Variants in GRM3 observed in about 807,000 individuals in gnomAD.
GRM3 encodes metabotropic glutamate receptor 3.
Under a neutral mutation model 70.5 loss-of-function variants are expected in GRM3, and 26 were observed. That is an observed-to-expected ratio of 0.37 (90% CI 0.27 to 0.51). The LOEUF is 0.51. Ranked by LOEUF, GRM3 falls within the 20% of genes least tolerant of loss-of-function variation. The probability of loss-of-function intolerance (pLI) is 0.93; values close to 1 mark genes in which losing one functional copy is unlikely to be tolerated. For missense variants in GRM3, 859 were observed against 1,123.8 expected (o/e 0.76, Z 3.37); for synonymous variants, 443 against 434.9 (o/e 1.02, Z -0.23).
intron 5 of GRM3, among the ~76,000 whole-genome samples, chr7:86,860,298 C>T (rs559037223): frequency 3.0e-4 from 45 of 152,208 alleles, no homozygotes; most frequent in South Asian, 1.0e-3. Flanking sequence ...GAATAACAGA[C>T]GGGCTAATAC....
rs187144862 is a variant in GRM3 at position 86,651,284 on chromosome 7, A to T, written c.-141+6412A>T. ...TTTGTGATATGTGCTAGAGTAATTA[A>T]TGGACATAAAAAAGGAACAGATATC... On this transcript the variant is annotated intron_variant, in intron 1 of 5. Coordinates refer to ENST00000361669, the MANE Select transcript of GRM3 (RefSeq NM_000840.3). Among the ~76,000 whole-genome samples, 160 of 152,330 alleles carry T rather than the reference A, an allele frequency of 1.1e-3. 2 individuals carry two copies. The highest frequency in any genetic ancestry group is 3.6e-3 in the African/African-American group (148 of 41,588).
At chr7:86,858,171 T>C (rs1798887526) in intron 5 of GRM3, among the ~76,000 whole-genome samples, 1 of 151,992 alleles carries the variant, frequency 6.6e-6, no homozygotes, top group African/African-American at 2.4e-5. Context: ...TTAGCCAGGA[T>C]GGTCTTGATC....
chr7:86,797,887 C>T (rs1212196520), intron 3 of GRM3, among the ~76,000 whole-genome samples: 1 of 152,162 alleles, frequency 6.6e-6, no homozygotes, highest in Non-Finnish European at 1.5e-5. Flanking sequence ...GGACTCGGTG[C>T]CTGCATCCCA....
intron 4 of GRM3, among the ~76,000 whole-genome samples, chr7:86,841,150 G>A (rs778676895): frequency 3.2e-4 from 49 of 151,956 alleles, no homozygotes; most frequent in African/African-American, 7.5e-4. Context: ...TGTTCTTTGC[G>A]AATTAAAATA....
rs1376649637 is a variant in GRM3, at chr7:86,765,580, C to G, written c.435C>G (p.Val145=). Reference sequence around the variant, plus strand: ...ACATCCCACTTCTCATTGCAGGGGTCATTGGTGGCTCTTATAGCAGTGTTT... The same window carrying G: ...ACATCCCACTTCTCATTGCAGGGGTGATTGGTGGCTCTTATAGCAGTGTTT... ...QENIPLLIAG[V]IGGSYSSVSI... The change falls in exon 2 of 6, where the codon GTC becomes GTG. Residue 145 remains valine (V), a synonymous_variant. Transcript: ENST00000361669. 9.9e-6 allele frequency: 16 copies of G among 1,613,356 alleles called. No homozygotes were observed. Among genetic ancestry groups the G allele is most frequent in the Non-Finnish European group, 1.4e-5 (16 of 1,179,536 alleles).
Position 86,702,813 on chromosome 7 carries a change from G to A in GRM3, c.-141+57941G>A, listed in dbSNP as rs573234576. On this transcript the variant is annotated intron_variant, in intron 1 of 5. Coordinates refer to ENST00000361669, the MANE Select transcript of GRM3 (RefSeq NM_000840.3). ...ACACAGTTCTTGATTTAGACCAGAAGGAAGAACACAATGCCAGGGTCAAAA... is the reference window on the plus strand; with the variant it reads ...ACACAGTTCTTGATTTAGACCAGAAAGAAGAACACAATGCCAGGGTCAAAA... 1.8e-3 allele frequency among the ~76,000 whole-genome samples: 269 copies of A among 151,996 alleles called. 2 individuals carry two copies. The highest frequency in any genetic ancestry group is 6.8e-3 in the Middle Eastern group (2 of 292).
intron 1 of GRM3, among the ~76,000 whole-genome samples, chr7:86,742,652 T>C (rs895439420): frequency 3.9e-5 from 6 of 152,118 alleles, no homozygotes; most frequent in South Asian, 2.1e-4. Flanking sequence ...AGTTTAGATA[T>C]ATTTAGGTAG....
At chr7:86,780,488 A>T (rs1358196974) in intron 2 of GRM3, among the ~76,000 whole-genome samples, 1 of 152,244 alleles carries the variant, frequency 6.6e-6, no homozygotes, top group Non-Finnish European at 1.5e-5. Flanking sequence ...TAAGTCCTGG[A>T]TAAATTCAAA....
intron 5 of GRM3, among the ~76,000 whole-genome samples, chr7:86,852,514 A>T (rs1241550582): frequency 2.0e-5 from 3 of 152,192 alleles, no homozygotes; most frequent in African/African-American, 7.2e-5. Context: ...ATTATTCAGT[A>T]TGCTAATCTG....
intron 3 of GRM3, among the ~76,000 whole-genome samples, chr7:86,830,095 G>C (rs539334776): frequency 6.6e-5 from 10 of 152,098 alleles, no homozygotes; most frequent in Non-Finnish European, 1.2e-4. Flanking sequence ...CATGCCAATG[G>C]CTTCTCAATA....
intron 3 of GRM3, among the ~76,000 whole-genome samples, chr7:86,803,903 G>A (rs749660128): frequency 6.6e-6 from 1 of 152,092 alleles, no homozygotes; most frequent in Non-Finnish European, 1.5e-5. Context: ...GTCAGTTAAC[G>A]CTTTATCATT....
intron 3 of GRM3, among the ~76,000 whole-genome samples, chr7:86,810,058 G>C (rs1797878792): frequency 6.6e-6 from 1 of 151,984 alleles, no homozygotes; most frequent in South Asian, 2.1e-4. Context: ...AGTGTAAAAT[G>C]TAGTAAACTC....
intron 1 of GRM3, among the ~76,000 whole-genome samples, chr7:86,743,158 T>C (rs1287345905): frequency 6.6e-6 from 1 of 152,202 alleles, no homozygotes; most frequent in Non-Finnish European, 1.5e-5. Context: ...TAGCATGTTT[T>C]ATGTGAAAAT....
At chr7:86,829,281 G>A (rs923917210) in intron 3 of GRM3, among the ~76,000 whole-genome samples, 38 of 152,304 alleles carry the variant, frequency 2.5e-4, no homozygotes, top group African/African-American at 7.9e-4. Context: ...GGAATCTTGC[G>A]TCTGATTTGA....
At chr7:86,832,423 T>A (rs1272227242) in intron 3 of GRM3, among the ~76,000 whole-genome samples, 1 of 152,006 alleles carries the variant, frequency 6.6e-6, no homozygotes, top group East Asian at 1.9e-4. Context: ...TAATGTTTTG[T>A]ATTTTTAGTA....
At chr7:86,652,621 G>A (rs1401762079) in intron 1 of GRM3, among the ~76,000 whole-genome samples, 1 of 152,192 alleles carries the variant, frequency 6.6e-6, no homozygotes, top group Non-Finnish European at 1.5e-5. Context: ...GAACCATGGT[G>A]CCCGGCCAGT....
rs76734903 is a variant in GRM3 at position 86,742,172 on chromosome 7, T to A, written c.-140-22834T>A. On this transcript the variant is annotated intron_variant, in intron 1 of 5. Coordinates refer to ENST00000361669, the MANE Select transcript of GRM3 (RefSeq NM_000840.3). The stretch of plus-strand genomic sequence containing the variant: ...AGCTAGTGCTGCTGGCTAGTGCATG[T>A]GCCTCTCTATATGGTTGCTTAGTTT... 4.6e-5 allele frequency among the ~76,000 whole-genome samples: 7 copies of A among 152,142 alleles called. 1 individual carries two copies. The highest frequency in any genetic ancestry group is 1.7e-4 in the African/African-American group (7 of 41,434).
At chr7:86,794,652 T>C (rs1490370354) in intron 3 of GRM3, among the ~76,000 whole-genome samples, 1 of 152,204 alleles carries the variant, frequency 6.6e-6, no homozygotes, top group Non-Finnish European at 1.5e-5. Context: ...ACAATACTTC[T>C]TATCACTTTA....
chr7:86,786,191 A>C lies in GRM3; in HGVS notation c.469-70A>C. The C allele has an allele frequency of 2.3e-6, 3 of 1,290,108 alleles. No homozygotes were observed. Among genetic ancestry groups the C allele is most frequent in the Non-Finnish European group, 3.3e-6 (3 of 917,704 alleles). 79.9% of individuals were successfully genotyped at this position (1,290,108 alleles called of 1,614,324 possible). ...GGAGTCAGTAAAAGGTGTGGATGCT[A>C]TTATTCATTTTCATGTCCAGTCATC... is the stretch of plus-strand genomic sequence containing the variant. On this transcript the variant is annotated intron_variant, in intron 2 of 5. Coordinates refer to ENST00000361669, the MANE Select transcript of GRM3 (RefSeq NM_000840.3). This position sits in a 1 kb window ranked among gnomAD's most constrained non-coding sequence, Gnocchi z 6.0.
Sources: gnomAD v4.1 joint callset for allele counts (sites outside exome capture counted in the v4.1 genomes callset) on GRCh38, gnomAD v4.1.1 for gene constraint, Gnocchi (gnomAD v3.1) non-coding constraint, MANE v1.5 for transcripts, NCBI Gene and HGNC (gene_info 2026-07-23, HGNC 2026-07-21) for gene names.